The following FBXW7 variants were observed in gnomAD, a reference collection of about 807,000 sequenced individuals.
FBXW7 encodes F-box and WD repeat domain containing 7.
FBXW7 carries 11 observed loss-of-function variants against 86.3 expected under a neutral mutation model. That is an observed-to-expected ratio of 0.13 (90% confidence interval 0.08 to 0.21). The LOEUF is 0.21. Ranked by LOEUF, FBXW7 falls within the 10% of genes least tolerant of loss-of-function variation. FBXW7 has a pLI of 1.00. For synonymous variants in FBXW7, 313 were observed against 297.9 expected (o/e 1.05, Z -0.52); for missense variants, 488 against 847.4 (o/e 0.58, Z 5.27).
intron 4 of FBXW7, among the ~76,000 whole-genome samples, chr4:152,403,842 A>G (rs576672970): frequency 6.6e-6 from 1 of 152,286 alleles, no homozygotes; most frequent in East Asian, 1.9e-4. Context: ...GGGGACACCC[A>G]TTTTCAAAAA....
intron 2 of FBXW7, among the ~76,000 whole-genome samples, chr4:152,482,740 T>C (rs543316520): frequency 6.6e-6 from 1 of 152,274 alleles, no homozygotes; most frequent in East Asian, 1.9e-4. Flanking sequence ...TACCAATATT[T>C]CCAATTAATC....
At chr4:152,367,726 A>G (rs1255633337) in intron 4 of FBXW7, among the ~76,000 whole-genome samples, 1 of 152,112 alleles carries the variant, frequency 6.6e-6, no homozygotes, top group Non-Finnish European at 1.5e-5. Flanking sequence ...TTTAGTTTTC[A>G]CTTTCTAATA....
chr4:152,511,881 T>TA (rs550344060), intron 2 of FBXW7, among the ~76,000 whole-genome samples: 1 of 152,020 alleles, frequency 6.6e-6, no homozygotes, highest in Non-Finnish European at 1.5e-5. Context: ...TAAGAATAAG[T>TA]AAAAATATTT....
intron 4 of FBXW7, among the ~76,000 whole-genome samples, chr4:152,405,432 G>T (rs1047634896): frequency 6.6e-6 from 1 of 152,084 alleles, no homozygotes; most frequent in Non-Finnish European, 1.5e-5. Flanking sequence ...GAGAGGAGAG[G>T]AGATGAAACC....
intron 6 of FBXW7, among the ~76,000 whole-genome samples, chr4:152,346,658 C>G (rs764758550): frequency 6.6e-6 from 1 of 152,130 alleles, no homozygotes; most frequent in Non-Finnish European, 1.5e-5. Context: ...ACAATCTGTA[C>G]CTACTGGCAG....
At chr4:152,514,941 G>C (rs1045542052) in intron 2 of FBXW7, among the ~76,000 whole-genome samples, 1 of 152,200 alleles carries the variant, frequency 6.6e-6, no homozygotes, top group African/African-American at 2.4e-5. Context: ...TTTAGGAGCT[G>C]AGAATGTCAA....
At chr4:152,445,909 TTAAAAAAAAAAA>T (rs1741333354) in intron 2 of FBXW7, among the ~76,000 whole-genome samples, 1 of 67,000 alleles carries the variant, frequency 1.5e-5, no homozygotes, top group Admixed American at 1.7e-4. Context: ...GACTCTGTCT[TTAAAAAAAAAAA>T]AAAAAAAAAA....
At chr4:152,330,193 C>A (rs1259757358) in intron 9 of FBXW7, among the ~76,000 whole-genome samples, 1 of 151,798 alleles carries the variant, frequency 6.6e-6, no homozygotes, top group African/African-American at 2.4e-5. Context: ...CAAAAAAAAT[C>A]ATAATATATA....
chr4:152,483,260 T>C (rs1745047454), intron 2 of FBXW7, among the ~76,000 whole-genome samples: 1 of 152,196 alleles, frequency 6.6e-6, no homozygotes, highest in Non-Finnish European at 1.5e-5. Flanking sequence ...GTCTTTATTA[T>C]GTTTGTTAAA....
intron 5 of FBXW7, among the ~76,000 whole-genome samples, chr4:152,347,416 C>T (rs1209594491): frequency 6.6e-6 from 1 of 152,118 alleles, no homozygotes; most frequent in African/African-American, 2.4e-5. Flanking sequence ...TCTCCTATGA[C>T]TGGTCTTTGG....
chr4:152,483,753 G>A lies in FBXW7; in HGVS notation c.-120+51188C>T, dbSNP rs190036177. On this transcript the variant is annotated intron_variant, in intron 2 of 13. Transcript: ENST00000281708. ...CCCTTTCTGTGTTGTGTGTGTGTGTGCACACACACACTTGCATGTGTATAC... is the reference window on the plus strand; with the variant it reads ...CCCTTTCTGTGTTGTGTGTGTGTGTACACACACACACTTGCATGTGTATAC... Among the ~76,000 whole-genome samples, 201 of 151,812 alleles carry A rather than the reference G, an allele frequency of 1.3e-3. 1 individual carries two copies. The highest frequency in any genetic ancestry group is 0.01 in the Middle Eastern group (3 of 294).
chr4:152,497,347 A>AAAAAAC, intron 2 of FBXW7, among the ~76,000 whole-genome samples: 2 of 138,228 alleles, frequency 1.4e-5, no homozygotes, highest in East Asian at 4.1e-4. Flanking sequence ...AAAAAACCAC[A>AAAAAAC]CACACACACA....
At chr4:152,348,025 C>A (rs1731436543) in intron 5 of FBXW7, among the ~76,000 whole-genome samples, 1 of 152,066 alleles carries the variant, frequency 6.6e-6, no homozygotes, top group Admixed American at 6.5e-5. Context: ...AAAAGAAATT[C>A]TCACTCAATT....
chr4:152,364,245 G>A (rs1412898423), intron 4 of FBXW7, among the ~76,000 whole-genome samples: 1 of 152,072 alleles, frequency 6.6e-6, no homozygotes, highest in East Asian at 1.9e-4. Flanking sequence ...CAACAAATGG[G>A]TTTTGCTTCC....
intron 2 of FBXW7, among the ~76,000 whole-genome samples, chr4:152,442,574 C>T (rs927468570): frequency 4.6e-5 from 7 of 152,176 alleles, no homozygotes; most frequent in Admixed American, 4.6e-4. Flanking sequence ...CAGTGGTTTA[C>T]ACAAGAGGTT....
At chr4:152,369,168 A>C (rs567218489) in intron 4 of FBXW7, among the ~76,000 whole-genome samples, 3 of 152,084 alleles carry the variant, frequency 2.0e-5, no homozygotes, top group Non-Finnish European at 4.4e-5. Flanking sequence ...CAACACATCT[A>C]AAAATGTCTT....
At chr4:152,382,189 C>A (rs1409665473) in intron 4 of FBXW7, 2 of 1,546,598 alleles carry the variant, frequency 1.3e-6, no homozygotes, top group Admixed American at 1.9e-5. Context: ...TGAGACTTAC[C>A]CGTCTTCGAC....
At position 152,324,180 on chromosome 4, in the gene FBXW7, T is replaced by C. The variant is rs1340313777; in HGVS notation, c.1855+4A>G. ...GAACAAAACGAAAGGTGAGTAAGAC[T>C]TACCTTGCAATGTTTGTAAACACTG... On this transcript the variant is annotated splice_donor_region_variant and intron_variant, in intron 13 of 13. Transcript: ENST00000281708. 5 of 1,608,836 alleles carry C rather than the reference T, an allele frequency of 3.1e-6. No individual in the cohort carries two copies. The South Asian group carries it at 5.5e-5, about 18-fold the overall frequency.
chr4:152,405,856 G>T (rs1020484924), intron 4 of FBXW7, among the ~76,000 whole-genome samples: 3 of 152,120 alleles, frequency 2.0e-5, no homozygotes, highest in Non-Finnish European at 4.4e-5. Context: ...AGATAACCTG[G>T]GGAGGCAAAT....
Sources: allele counts gnomAD v4.1 joint callset (sites outside exome capture counted in the v4.1 genomes callset), GRCh38; gene constraint gnomAD v4.1.1; transcripts MANE v1.5; gene names NCBI Gene and HGNC (gene_info 2026-07-23, HGNC 2026-07-21).